The following GABBR2 variants were observed in gnomAD, a reference collection of about 807,000 sequenced individuals.
GABBR2 encodes the protein gamma-aminobutyric acid type B receptor subunit 2, also known as G-protein coupled receptor 51.
GABBR2 carries 23 observed loss-of-function variants against 105.6 expected under a neutral mutation model. That is an observed-to-expected ratio of 0.22 (90% CI 0.16 to 0.31). The LOEUF is 0.31. Ranked by LOEUF, GABBR2 falls within the 10% of genes least tolerant of loss-of-function variation. GABBR2 has a pLI of 1.00. For missense variants in GABBR2, 734 were observed against 1,245.5 expected (o/e 0.59, Z 6.18); for synonymous variants, 478 against 499.7 (o/e 0.96, Z 0.58).
intron 1 of GABBR2, among the ~76,000 whole-genome samples, chr9:98,649,147 AGAG>A (rs958672505): frequency 2.6e-5 from 4 of 152,234 alleles, no homozygotes; most frequent in Non-Finnish European, 5.9e-5. Context: ...ATGAAAGGGC[AGAG>A]CTGGGTGAAT....
chr9:98,598,312 A>T (rs962384796), intron 1 of GABBR2, among the ~76,000 whole-genome samples: 1 of 152,204 alleles, frequency 6.6e-6, no homozygotes, highest in Non-Finnish European at 1.5e-5. Flanking sequence ...CAGGAAGTGC[A>T]TCACCTACTC....
At chr9:98,555,414 T>C (rs1335574267) in intron 2 of GABBR2, among the ~76,000 whole-genome samples, 12 of 152,372 alleles carry the variant, frequency 7.9e-5, no homozygotes, top group African/African-American at 2.9e-4. Context: ...ATGATTGTAT[T>C]GCTTGTCTAA....
intron 12 of GABBR2, among the ~76,000 whole-genome samples, chr9:98,370,461 A>T (rs1831758716): frequency 1.3e-5 from 2 of 151,842 alleles, no homozygotes; most frequent in African/African-American, 4.8e-5. Context: ...CTCTTCCACC[A>T]CTCCTAATTC....
At chr9:98,473,746 C>T (rs1313008348) in intron 5 of GABBR2, among the ~76,000 whole-genome samples, 2 of 152,144 alleles carry the variant, frequency 1.3e-5, no homozygotes, top group African/African-American at 4.8e-5. Flanking sequence ...AAGGAGAAAA[C>T]ATACCAGATC....
chr9:98,582,068 T>C (rs957506047), intron 1 of GABBR2, among the ~76,000 whole-genome samples: 2 of 152,260 alleles, frequency 1.3e-5, no homozygotes, highest in Admixed American at 1.3e-4. Context: ...GGGCAAAGTT[T>C]TGGCCCCATT....
chr9:98,629,186 A>C (rs2131827443), intron 1 of GABBR2, among the ~76,000 whole-genome samples: 1 of 152,370 alleles, frequency 6.6e-6, no homozygotes, highest in South Asian at 2.1e-4. Flanking sequence ...ATTTGTACTT[A>C]ATATTGATGT....
chr9:98,345,126 T>C (rs892641218), intron 13 of GABBR2, among the ~76,000 whole-genome samples: 1 of 152,116 alleles, frequency 6.6e-6, no homozygotes, highest in Non-Finnish European at 1.5e-5. Flanking sequence ...GCTCCCTACA[T>C]AGCTCTCAAA....
chr9:98,341,327 G>A (rs1831210114), intron 13 of GABBR2, among the ~76,000 whole-genome samples: 1 of 152,238 alleles, frequency 6.6e-6, no homozygotes, highest in African/African-American at 2.4e-5. Context: ...GCACGTGGCT[G>A]TGGACACCCT....
At chr9:98,322,742 C>A (rs1564016657) in intron 13 of GABBR2, among the ~76,000 whole-genome samples, 1 of 152,062 alleles carries the variant, frequency 6.6e-6, no homozygotes, top group Non-Finnish European at 1.5e-5. Context: ...CCCTGGGATA[C>A]CCTTCTTCAT....
In GABBR2 at chr9:98,475,354, A is replaced by AAAAAG. The variant is rs534830283; in HGVS notation, c.799-2013_799-2009dup. Among the ~76,000 whole-genome samples, 91 of 151,884 alleles carry AAAAAG rather than the reference A, an allele frequency of 6.0e-4. 2 individuals carry two copies. Among genetic ancestry groups the AAAAAG allele is most frequent in the Admixed American group, 3.5e-3 (53 of 15,290 alleles). On this transcript the variant is annotated intron_variant, in intron 5 of 18. Transcript: ENST00000259455. ...TTAGTCCACAGAAACTTTAAAAAAA[A>AAAAAG]AAAAGAAAAGAAAAGAAAAGAAAAG...
At chr9:98,533,586 G>A (rs1828111143) in intron 3 of GABBR2, among the ~76,000 whole-genome samples, 1 of 152,188 alleles carries the variant, frequency 6.6e-6, no homozygotes, top group South Asian at 2.1e-4. Flanking sequence ...GCAGGGTGAG[G>A]GGACACAGGG....
At chr9:98,456,026 A>G (rs560286248) in intron 6 of GABBR2, among the ~76,000 whole-genome samples, 13 of 152,128 alleles carry the variant, frequency 8.5e-5, no homozygotes, top group South Asian at 4.2e-4. Context: ...ACTCCCCCCA[A>G]ATCCCAGGTT....
chr9:98,315,411 T>G (rs957974825), intron 13 of GABBR2, among the ~76,000 whole-genome samples: 2 of 152,244 alleles, frequency 1.3e-5, no homozygotes, highest in Admixed American at 1.3e-4. Flanking sequence ...GGTCAGAGGT[T>G]ACGGTGGCAG....
intron 1 of GABBR2, among the ~76,000 whole-genome samples, chr9:98,703,405 C>A (rs1830856261): frequency 1.3e-5 from 2 of 152,206 alleles, no homozygotes; most frequent in Admixed American, 6.5e-5. Context: ...AAGGGCCAGG[C>A]AGCATGCTGG....
intron 1 of GABBR2, among the ~76,000 whole-genome samples, chr9:98,581,778 C>T (rs915364930): frequency 4.0e-5 from 6 of 151,860 alleles, no homozygotes; most frequent in South Asian, 4.2e-4. Context: ...CTAATGACAA[C>T]GATACTACAG....
intron 15 of GABBR2, among the ~76,000 whole-genome samples, chr9:98,303,715 T>C (rs549161678): frequency 6.6e-6 from 1 of 152,348 alleles, no homozygotes; most frequent in African/African-American, 2.4e-5. Context: ...CCCCGAGGCC[T>C]CACTCCAGCT....
At chr9:98,344,491 G>C (rs773556182) in intron 13 of GABBR2, among the ~76,000 whole-genome samples, 22 of 152,186 alleles carry the variant, frequency 1.4e-4, no homozygotes, top group Admixed American at 1.3e-4. Flanking sequence ...ACTGAGCACA[G>C]GGCCAGTTCA....
chr9:98,657,450 A>C (rs1431193586), intron 1 of GABBR2, among the ~76,000 whole-genome samples: 1 of 152,182 alleles, frequency 6.6e-6, no homozygotes, highest in Non-Finnish European at 1.5e-5. Context: ...TGTTCTCTTC[A>C]TTCATTTACA....
intron 1 of GABBR2, among the ~76,000 whole-genome samples, chr9:98,646,200 T>C (rs1446437905): frequency 1.3e-5 from 2 of 152,204 alleles, no homozygotes; most frequent in African/African-American, 4.8e-5. Flanking sequence ...TGGGCCTAAA[T>C]TGTTTGTGCA....
Sources: gnomAD v4.1 joint callset for allele counts (sites outside exome capture counted in the v4.1 genomes callset) on GRCh38, gnomAD v4.1.1 for gene constraint, MANE v1.5 for transcripts, NCBI Gene and HGNC (gene_info 2026-07-23, HGNC 2026-07-21) for gene names.